Variants in ANKS3 observed in about 807,000 individuals in gnomAD.
ANKS3 encodes the protein ankyrin repeat and SAM domain-containing protein 3.
In ANKS3, 62 loss-of-function variants were observed where a neutral mutation model predicts 80.7. The observed-to-expected ratio is 0.77, with a 90% CI of 0.63 to 0.95. ANKS3 has a LOEUF of 0.95. Ranked by LOEUF, ANKS3 falls within the 40% of genes least tolerant of loss-of-function variation. The pLI is 0.00. For synonymous variants in ANKS3, 489 were observed against 355.3 expected, an observed-to-expected ratio of 1.38 and a Z score of -4.23; for missense variants, 1,150 against 883.6, an observed-to-expected ratio of 1.30 and a Z score of -3.82.
At chr16:4,698,725 C>T (rs758652628) in intron 13 of ANKS3, 75 bp downstream of exon 13, 477 of 1,550,208 alleles carry the variant, frequency 3.1e-4, no homozygotes, top group Non-Finnish European at 4.0e-4. Context: ...CCACACAGCA[C>T]CCACCTTTTC....
At chr16:4,725,513 G>C (rs1488207076) in intron 5 of ANKS3, among the ~76,000 whole-genome samples, 1 of 152,162 alleles carries the variant, frequency 6.6e-6, no homozygotes. Flanking sequence ...TTTCTTAGTG[G>C]CATACAAAAT....
chr16:4,725,206 C>T (rs1192942439), intron 5 of ANKS3: 1 of 173,608 alleles, frequency 5.8e-6, no homozygotes, highest in Non-Finnish European at 1.2e-5. Flanking sequence ...TCAAGTTCAA[C>T]GTCCTCCATG....
chr16:4,715,761 A>T (rs1189703461), intron 6 of ANKS3, among the ~76,000 whole-genome samples: 1 of 151,770 alleles, frequency 6.6e-6, no homozygotes, highest in Admixed American at 6.6e-5. Flanking sequence ...CCAATTTTCC[A>T]ATCTTCTATG....
At chr16:4,705,405 A>G (rs1343530568) in intron 7 of ANKS3, 152 bp from the exon 8 acceptor site, 1 of 935,016 alleles carries the variant, frequency 1.1e-6, no homozygotes, top group African/African-American at 1.7e-5. Context: ...AAATGCCCTA[A>G]CAGGCCGGGG....
chr16:4,733,304 T>A lies in ANKS3; in HGVS notation c.-71+634A>T, dbSNP rs73506271. ...CACATTTTATTTATTTATTATTATT[T>A]TTTTTGAGACATAATCTCACTCTGT... On this transcript the variant is annotated intron_variant, in intron 1 of 17. Coordinates refer to ENST00000304283, the MANE Select transcript of ANKS3 (RefSeq NM_133450.4). 7.1e-3 allele frequency among the ~76,000 whole-genome samples: 1,082 copies of A among 152,086 alleles called. 5 individuals carry two copies. Among genetic ancestry groups the A allele is most frequent in the African/African-American group, 0.02 (834 of 41,478 alleles).
rs373937147 is a variant in ANKS3, at chr16:4,699,101, G to T, written c.1360C>A (p.Arg454Ser). The change falls in exon 12 of 18, where the codon CGC (arginine) becomes AGC (serine). Residue 454 changes from arginine (R) to serine (S), a missense_variant. Transcript: ENST00000304283. ...CTCTCAGTGAGGGTCAGAAAGATGC[G>T]GAGGTCCACGTCCTGCTCCTCAAAC... is the stretch of plus-strand genomic sequence containing the variant. ...QVFEEQDVDL[R>S]IFLTLTESDL... 10 of 1,614,038 alleles carry T rather than the reference G, an allele frequency of 6.2e-6. No individual in the cohort carries two copies. Among genetic ancestry groups the T allele is most frequent in the Admixed American group, 3.3e-5 (2 of 60,006 alleles).
intron 8 of ANKS3, among the ~76,000 whole-genome samples, chr16:4,704,106 G>T (rs2080063459): frequency 6.6e-6 from 1 of 152,138 alleles, no homozygotes; most frequent in Non-Finnish European, 1.5e-5. Flanking sequence ...GCTGTGGTGG[G>T]GCTGGCCAGC....
At chr16:4,713,152 T>G (rs923356070) in intron 7 of ANKS3, among the ~76,000 whole-genome samples, 2 of 152,072 alleles carry the variant, frequency 1.3e-5, no homozygotes, top group Non-Finnish European at 2.9e-5. Context: ...ACGCCTGTAA[T>G]CCCAGCTACC....
rs573067033 is a variant in ANKS3 at position 4,702,027 on chromosome 16, G to T, written c.1009+75C>A. The stretch of plus-strand genomic sequence containing the variant: ...GCTGTGTCCAGCGCCAGGCCCAGGG[G>T]ATAAGTGGGGATGGGCACACAGGAG... On this transcript the variant is annotated intron_variant, in intron 9 of 17. Coordinates refer to ENST00000304283, the MANE Select transcript of ANKS3 (RefSeq NM_133450.4). The T allele has an allele frequency of 6.1e-6, 9 of 1,474,904 alleles. No homozygotes were observed. In the South Asian group the frequency reaches 6.6e-5, roughly 11 times the overall value. 91.4% of individuals were successfully genotyped at this position (1,474,904 alleles called of 1,614,324 possible).
In ANKS3 at chr16:4,714,163, G is replaced by C. The variant is rs2080648904; in HGVS notation, c.597C>G (p.Asp199Glu). The C allele has an allele frequency of 6.2e-7, 1 of 1,614,032 alleles. No homozygotes were observed. The highest frequency in any genetic ancestry group is 8.5e-7 in the Non-Finnish European group (1 of 1,180,036). The change falls in exon 7 of 18, where the codon GAC (aspartate) becomes GAG (glutamate). Residue 199 changes from aspartate to glutamate, a missense_variant. Asp to Glu is a conservative substitution (Grantham distance 45). Transcript: ENST00000304283. ...GCATCCGGGCTGTGGCTCCACTGTGGTCTCTCGCGTCCACCTTGACTCCCT... is the reference window on the plus strand; with the variant it reads ...GCATCCGGGCTGTGGCTCCACTGTGCTCTCTCGCGTCCACCTTGACTCCCT... ...LNHGVKVDAR[D>E]HSGATARMLA...
chr16:4,721,026 C>A (rs1275945486), intron 6 of ANKS3, among the ~76,000 whole-genome samples: 1 of 149,304 alleles, frequency 6.7e-6, no homozygotes, highest in Non-Finnish European at 1.5e-5. Context: ...AAAAGAGAGG[C>A]CAGGCACGGT....
chr16:4,698,272 A>T, intron 14 of ANKS3, 155 bp downstream of exon 14: 1 of 1,219,056 alleles, frequency 8.2e-7, no homozygotes, highest in Non-Finnish European at 1.1e-6. Context: ...GTCTGCCTGC[A>T]GGAAGGAAGG....
At chr16:4,732,254 G>A (rs777606850) in intron 1 of ANKS3, among the ~76,000 whole-genome samples, 1 of 152,130 alleles carries the variant, frequency 6.6e-6, no homozygotes, top group Non-Finnish European at 1.5e-5. Context: ...AACAGCCCTG[G>A]CCAACGAAGC....
intron 6 of ANKS3, 39 bp from the exon 7 acceptor site, chr16:4,714,225 T>G: frequency 6.2e-7 from 1 of 1,608,924 alleles, no homozygotes; most frequent in Non-Finnish European, 8.5e-7. Flanking sequence ...GGCCTCTCCT[T>G]CAAAGCACCT....
intron 5 of ANKS3, among the ~76,000 whole-genome samples, chr16:4,725,935 G>A (rs2142149078): frequency 6.6e-6 from 1 of 151,192 alleles, no homozygotes; most frequent in East Asian, 2.0e-4. Flanking sequence ...TAGGATTACA[G>A]GTGTGAGCCA....
rs1596344652 is a variant in ANKS3, at chr16:4,698,952, A to C, written c.1410-11T>G. On this transcript the variant is annotated splice_polypyrimidine_tract_variant and intron_variant, in intron 12 of 17. Coordinates refer to ENST00000304283, the MANE Select transcript of ANKS3 (RefSeq NM_133450.4). The stretch of plus-strand genomic sequence containing the variant: ...TTGGGCCCAAACAGCCTGCGGGGGG[A>C]ATGTGACCAGGATATGCCTCAGCGT... 1 of 1,605,400 alleles carries C rather than the reference A, an allele frequency of 6.2e-7. No homozygotes were observed. The highest frequency in any genetic ancestry group is 8.5e-7 in the Non-Finnish European group (1 of 1,174,230).
chr16:4,706,447 G>C (rs1017135193), intron 7 of ANKS3, among the ~76,000 whole-genome samples: 2 of 152,116 alleles, frequency 1.3e-5, no homozygotes, highest in African/African-American at 2.4e-5. Flanking sequence ...ATGTTGGCCA[G>C]GCTGGTCTCG....
At chr16:4,708,678 T>C (rs1445993965) in intron 7 of ANKS3, among the ~76,000 whole-genome samples, 3 of 152,126 alleles carry the variant, frequency 2.0e-5, no homozygotes, top group Non-Finnish European at 4.4e-5. Flanking sequence ...CTCACACCTG[T>C]AATTCTAGCA....
Position 4,700,963 on chromosome 16 carries a change from G to C in ANKS3, c.1284+7C>G, listed in dbSNP as rs1474032313. On this transcript the variant is annotated splice_region_variant and intron_variant, in intron 11 of 17. Transcript: ENST00000304283. ...AGTGTAACCTCCAGTTTCACAAGCG[G>C]TCTTACCTGGGGTCCTGAGTAGGGG... is the stretch of plus-strand genomic sequence containing the variant. 6.2e-7 allele frequency: 1 copy of C among 1,613,806 alleles called. No individual in the cohort carries two copies. The highest frequency in any genetic ancestry group is 8.5e-7 in the Non-Finnish European group (1 of 1,180,038).
Sources: gnomAD v4.1 joint callset for allele counts (sites outside exome capture counted in the v4.1 genomes callset) on GRCh38, gnomAD v4.1.1 for gene constraint, MANE v1.5 for transcripts, NCBI Gene and HGNC (gene_info 2026-07-23, HGNC 2026-07-21) for gene names.